The following SIPA1L1 variants were observed in gnomAD, a reference collection of about 807,000 sequenced individuals.
SIPA1L1 encodes the protein signal-induced proliferation-associated 1-like protein 1.
In SIPA1L1, 26 loss-of-function variants were observed where a neutral mutation model predicts 162.7. That is an observed-to-expected ratio of 0.16 (90% CI 0.12 to 0.22). The LOEUF (loss-of-function observed/expected upper bound fraction) is 0.22, where lower values mean the gene tolerates loss of function less well. Among genes scored for constraint, SIPA1L1 ranks in the 10% least tolerant of loss-of-function variants. The pLI, the probability that SIPA1L1 is intolerant of heterozygous loss-of-function variation, is 1.00. For synonymous variants in SIPA1L1, 829 were observed against 837.4 expected, an observed-to-expected ratio of 0.99 and a Z score of 0.17; for missense variants, 1,874 against 2,241.0, an observed-to-expected ratio of 0.84 and a Z score of 3.31.
chr14:71,590,542 T>C (rs1239637776), intron 5 of SIPA1L1, among the ~76,000 whole-genome samples: 1 of 152,194 alleles, frequency 6.6e-6, no homozygotes, highest in Non-Finnish European at 1.5e-5. Context: ...TATCTTAATA[T>C]TACTACATGA....
intron 5 of SIPA1L1, among the ~76,000 whole-genome samples, chr14:71,597,670 A>G (rs1188873101): frequency 1.3e-5 from 2 of 151,820 alleles, no homozygotes; most frequent in African/African-American, 4.8e-5. Context: ...ATCATGTTCC[A>G]CTCTTGCATG....
intron 5 of SIPA1L1, among the ~76,000 whole-genome samples, chr14:71,597,713 A>G (rs577774887): frequency 1.3e-5 from 2 of 152,266 alleles, no homozygotes; most frequent in East Asian, 3.9e-4. Flanking sequence ...CTCAGGGTAT[A>G]CACTGGAATA....
At chr14:71,708,029 GTTTT>G (rs58827391) in intron 16 of SIPA1L1, among the ~76,000 whole-genome samples, 1 of 82,088 alleles carries the variant, frequency 1.2e-5, no homozygotes, top group Non-Finnish European at 2.1e-5. Flanking sequence ...TTTTTTTTTT[GTTTT>G]TTTTTTTTTT....
chr14:71,457,034 G>A (rs1057248999), intron 2 of SIPA1L1, among the ~76,000 whole-genome samples: 1 of 152,084 alleles, frequency 6.6e-6, no homozygotes, highest in African/African-American at 2.4e-5. Flanking sequence ...CTACTGCCTT[G>A]GCCTCCCAAA....
intron 2 of SIPA1L1, among the ~76,000 whole-genome samples, chr14:71,375,105 G>C (rs904274465): frequency 6.6e-6 from 1 of 152,174 alleles, no homozygotes; most frequent in African/African-American, 2.4e-5. Context: ...GAATTCTTCA[G>C]TTCTGGTTTT....
chr14:71,698,230 A>G (rs2081803333), intron 13 of SIPA1L1, among the ~76,000 whole-genome samples: 1 of 152,174 alleles, frequency 6.6e-6, no homozygotes, highest in African/African-American at 2.4e-5. Context: ...CGTGTTGCCT[A>G]CTAGAGTAGA....
chr14:71,673,850 C>G (rs1566621096), intron 12 of SIPA1L1, among the ~76,000 whole-genome samples: 1 of 152,112 alleles, frequency 6.6e-6, no homozygotes. Flanking sequence ...CTTAGTTAAC[C>G]AGGTCTAATG....
At chr14:71,652,002 T>G (rs2042659932) in intron 8 of SIPA1L1, among the ~76,000 whole-genome samples, 2 of 152,166 alleles carry the variant, frequency 1.3e-5, no homozygotes, top group Non-Finnish European at 2.9e-5. Flanking sequence ...ACTACTCTCC[T>G]TTAAGTAGTT....
chr14:71,401,463 G>T (rs2041667699), intron 2 of SIPA1L1, among the ~76,000 whole-genome samples: 1 of 145,204 alleles, frequency 6.9e-6, no homozygotes, highest in African/African-American at 2.6e-5. Flanking sequence ...TTTCTTTGTT[G>T]TTCGTCTGTT....
chr14:71,634,852 T>G (rs2040963944), intron 7 of SIPA1L1, among the ~76,000 whole-genome samples: 2 of 149,514 alleles, frequency 1.3e-5, no homozygotes, highest in African/African-American at 5.0e-5. Context: ...AGGAGAATGG[T>G]GGGTACCTGG....
At chr14:71,631,932 A>T (rs530415506) in intron 7 of SIPA1L1, among the ~76,000 whole-genome samples, 46 of 152,378 alleles carry the variant, frequency 3.0e-4, no homozygotes, top group African/African-American at 1.1e-3. Flanking sequence ...AGAACAAATC[A>T]AAGCAAATAA....
At chr14:71,358,373 C>T (rs1480430641) in intron 2 of SIPA1L1, among the ~76,000 whole-genome samples, 1 of 152,144 alleles carries the variant, frequency 6.6e-6, no homozygotes, top group Non-Finnish European at 1.5e-5. Context: ...TATTTTAGTC[C>T]TCTGGGTTGT....
chr14:71,491,761 A>AACAGACACACAC (rs2049279104), intron 2 of SIPA1L1, among the ~76,000 whole-genome samples: 3 of 97,878 alleles, frequency 3.1e-5, no homozygotes, highest in African/African-American at 1.2e-4. Context: ...TTTTATTTCA[A>AACAGACACACAC]ACACACACAC....
chr14:71,432,467 A>G (rs553850718), intron 2 of SIPA1L1, among the ~76,000 whole-genome samples: 3 of 152,198 alleles, frequency 2.0e-5, no homozygotes, highest in Non-Finnish European at 4.4e-5. Context: ...CTAACAACCT[A>G]CAATCACACA....
chr14:71,694,374 T>C (rs2081469065), intron 13 of SIPA1L1, among the ~76,000 whole-genome samples: 1 of 152,178 alleles, frequency 6.6e-6, no homozygotes, highest in African/African-American at 2.4e-5. Context: ...TGCAGTGAAG[T>C]GCATTGCATA....
chr14:71,396,909 T>G (rs2041249540), intron 2 of SIPA1L1, among the ~76,000 whole-genome samples: 1 of 152,212 alleles, frequency 6.6e-6, no homozygotes, highest in African/African-American at 2.4e-5. Context: ...TAGTTCCATT[T>G]GTGGAATGTT....
At chr14:71,564,663 G>A (rs2029966607) in intron 4 of SIPA1L1, among the ~76,000 whole-genome samples, 1 of 151,142 alleles carries the variant, frequency 6.6e-6, no homozygotes, top group Admixed American at 6.6e-5. Context: ...AATTTTTTTG[G>A]TATTTTTAGT....
At chr14:71,612,812 G>A (rs941023149) in intron 5 of SIPA1L1, among the ~76,000 whole-genome samples, 10 of 152,046 alleles carry the variant, frequency 6.6e-5, no homozygotes, top group African/African-American at 2.4e-4. Flanking sequence ...TGAACTATTC[G>A]CTGTTTCCCC....
chr14:71,667,281 T>C (rs1312554590), intron 10 of SIPA1L1, among the ~76,000 whole-genome samples: 1 of 152,158 alleles, frequency 6.6e-6, no homozygotes, highest in Non-Finnish European at 1.5e-5. Context: ...ATTCCTGCTT[T>C]TCTTTTTTCT....
Sources: gnomAD v4.1 joint callset for allele counts (sites outside exome capture counted in the v4.1 genomes callset) on GRCh38, gnomAD v4.1.1 for gene constraint, MANE v1.5 for transcripts, NCBI Gene and HGNC (gene_info 2026-07-23, HGNC 2026-07-21) for gene names.